ERBB4: variants seen among roughly 807,000 people sequenced by gnomAD.
ERBB4 encodes erb-b2 receptor tyrosine kinase 4.
In ERBB4, 42 loss-of-function variants were observed where a neutral mutation model predicts 158.0. That is an observed-to-expected ratio of 0.27 (90% CI 0.21 to 0.34). ERBB4 has a LOEUF of 0.34. ERBB4 is among the 10% of genes least tolerant of loss of function. ERBB4 has a pLI of 1.00. For synonymous variants in ERBB4, 583 were observed against 558.7 expected, an observed-to-expected ratio of 1.04 and a Z score of -0.61; for missense variants, 1,333 against 1,624.1, an observed-to-expected ratio of 0.82 and a Z score of 3.08.
intron 19 of ERBB4, among the ~76,000 whole-genome samples, chr2:211,615,581 A>G (rs911606628): frequency 2.0e-5 from 3 of 152,124 alleles, no homozygotes; most frequent in Admixed American, 6.6e-5. Context: ...TGAGCAGAGT[A>G]ACAGCCCTGG....
chr2:212,451,206 A>G (rs1574944935), intron 1 of ERBB4, among the ~76,000 whole-genome samples: 1 of 152,350 alleles, frequency 6.6e-6, no homozygotes, highest in Non-Finnish European at 1.5e-5. Flanking sequence ...TATGACAAAG[A>G]CTTGGTATAT....
chr2:211,700,919 T>C (rs2073211319), intron 12 of ERBB4, among the ~76,000 whole-genome samples: 1 of 152,188 alleles, frequency 6.6e-6, no homozygotes. Flanking sequence ...ATTCAGTATT[T>C]ACCATAATGA....
chr2:211,745,893 T>G (rs1224824624), intron 5 of ERBB4, among the ~76,000 whole-genome samples: 1 of 152,158 alleles, frequency 6.6e-6, no homozygotes, highest in Non-Finnish European at 1.5e-5. Context: ...TACTAAACTG[T>G]GTTACAAAAT....
intron 1 of ERBB4, among the ~76,000 whole-genome samples, chr2:212,138,563 C>G (rs1441717508): frequency 6.6e-6 from 1 of 152,116 alleles, no homozygotes; most frequent in Non-Finnish European, 1.5e-5. Context: ...CATTCTTGAA[C>G]TTTCTAGCCT....
chr2:211,638,015 C>T (rs540322744), intron 16 of ERBB4, among the ~76,000 whole-genome samples: 6 of 152,008 alleles, frequency 3.9e-5, no homozygotes, highest in African/African-American at 7.2e-5. Flanking sequence ...ACTTCTCTTT[C>T]GACTATCATT....
chr2:212,065,612 G>A (rs951520181), intron 2 of ERBB4, among the ~76,000 whole-genome samples: 3 of 151,892 alleles, frequency 2.0e-5, no homozygotes, highest in Admixed American at 6.6e-5. Context: ...GTTCTTAGAA[G>A]GCAACTGGAA....
At chr2:212,340,228 T>A (rs2088640075) in intron 1 of ERBB4, among the ~76,000 whole-genome samples, 1 of 151,900 alleles carries the variant, frequency 6.6e-6, no homozygotes, top group Non-Finnish European at 1.5e-5. Flanking sequence ...TACTCCATGA[T>A]CTCAAATTAT....
chr2:211,880,566 C>T (rs948804501), intron 3 of ERBB4, among the ~76,000 whole-genome samples: 1 of 152,112 alleles, frequency 6.6e-6, no homozygotes, highest in Non-Finnish European at 1.5e-5. Flanking sequence ...TTTCAAAAAA[C>T]ATTTGCACCA....
chr2:212,003,216 G>GAAAGAAAGAAAGACAGAAA (rs1491317567), intron 2 of ERBB4, among the ~76,000 whole-genome samples: 1 of 34,472 alleles, frequency 2.9e-5, no homozygotes, highest in African/African-American at 1.1e-4. Context: ...ACAGAAAGAA[G>GAAAGAAAGAAAGACAGAAA]GAAGGAAGGA....
intron 2 of ERBB4, among the ~76,000 whole-genome samples, chr2:212,102,376 A>C (rs2125520298): frequency 6.6e-6 from 1 of 152,032 alleles, no homozygotes; most frequent in East Asian, 1.9e-4. Context: ...CTGTTTGACC[A>C]TAACGTGTTG....
At chr2:212,431,651 C>T (rs1410175600) in intron 1 of ERBB4, among the ~76,000 whole-genome samples, 1 of 152,158 alleles carries the variant, frequency 6.6e-6, no homozygotes, top group Non-Finnish European at 1.5e-5. Context: ...CTACTACATA[C>T]CTTTCCTTCC....
intron 2 of ERBB4, among the ~76,000 whole-genome samples, chr2:212,054,909 T>G (rs2077507208): frequency 6.6e-6 from 1 of 152,122 alleles, no homozygotes; most frequent in Non-Finnish European, 1.5e-5. Context: ...CATTTCCAAA[T>G]GAGGTATCAG....
intron 3 of ERBB4, among the ~76,000 whole-genome samples, chr2:211,810,921 G>A (rs947706439): frequency 1.6e-4 from 24 of 151,762 alleles, no homozygotes; most frequent in African/African-American, 2.4e-5. Context: ...TGATCCACCC[G>A]CCTCGGCCTC....
chr2:211,545,588 G>A (rs1474056352), intron 20 of ERBB4, among the ~76,000 whole-genome samples: 1 of 151,700 alleles, frequency 6.6e-6, no homozygotes, highest in South Asian at 2.1e-4. Context: ...ACTCAGTCTG[G>A]CATTTAATCT....
intron 2 of ERBB4, among the ~76,000 whole-genome samples, chr2:211,961,254 T>A (rs1030477868): frequency 6.6e-6 from 1 of 152,116 alleles, no homozygotes; most frequent in African/African-American, 2.4e-5. Context: ...TATTTTTTTT[T>A]CCAAGAATGT....
chr2:212,322,537 A>T lies in ERBB4; in HGVS notation c.83-197634T>A, dbSNP rs537091954. Reference sequence around the variant, plus strand: ...TATTTGAATGCGTATACATTTTAGAACTCCTATCACATTCACTGCATGCCA... The same window carrying T: ...TATTTGAATGCGTATACATTTTAGATCTCCTATCACATTCACTGCATGCCA... On this transcript the variant is annotated intron_variant, in intron 1 of 27. Coordinates refer to ENST00000342788, the MANE Select transcript of ERBB4 (RefSeq NM_005235.3). Among the ~76,000 whole-genome samples the T allele has an allele frequency of 6.3e-4, 95 of 150,778 alleles. 1 individual carries two copies. The highest frequency in any genetic ancestry group is 2.0e-3 in the African/African-American group (83 of 41,404).
At chr2:212,428,772 G>A (rs1232805628) in intron 1 of ERBB4, among the ~76,000 whole-genome samples, 3 of 152,026 alleles carry the variant, frequency 2.0e-5, no homozygotes, top group Non-Finnish European at 4.4e-5. Flanking sequence ...TTTGGGTTGA[G>A]CCCATGCATT....
intron 1 of ERBB4, among the ~76,000 whole-genome samples, chr2:212,126,708 A>G (rs1458541026): frequency 1.3e-5 from 2 of 152,140 alleles, no homozygotes; most frequent in Non-Finnish European, 2.9e-5. Context: ...CTGCAAACAT[A>G]CTAGGAACAC....
At chr2:212,192,031 TTA>T (rs750266150) in intron 1 of ERBB4, among the ~76,000 whole-genome samples, 2 of 47,624 alleles carry the variant, frequency 4.2e-5, no homozygotes, top group Admixed American at 2.5e-4. Context: ...GTTATATATG[TTA>T]TATGTTATAT....
Sources: allele counts gnomAD v4.1 joint callset (sites outside exome capture counted in the v4.1 genomes callset), GRCh38; gene constraint gnomAD v4.1.1; transcripts MANE v1.5; gene names NCBI Gene and HGNC (gene_info 2026-07-23, HGNC 2026-07-21).